The following PLEKHA5 variants were observed in gnomAD, a reference collection of about 807,000 sequenced individuals.
PLEKHA5 encodes pleckstrin homology domain containing A5.
PLEKHA5 carries 55 observed loss-of-function variants against 181.9 expected under a neutral mutation model. The observed-to-expected ratio is 0.30, with a 90% CI of 0.24 to 0.38. The LOEUF (loss-of-function observed/expected upper bound fraction) is 0.38, where lower values mean the gene tolerates loss of function less well. Ranked by LOEUF, PLEKHA5 falls within the 10% of genes least tolerant of loss-of-function variation. The probability of loss-of-function intolerance (pLI) is 1.00; values close to 1 mark genes in which losing one functional copy is unlikely to be tolerated. For missense variants in PLEKHA5, 1,432 were observed against 1,549.5 expected, an observed-to-expected ratio of 0.92 and a Z score of 1.27; for synonymous variants, 535 against 529.4, an observed-to-expected ratio of 1.01 and a Z score of -0.15.
intron 3 of PLEKHA5, among the ~76,000 whole-genome samples, chr12:19,181,684 G>A (rs966660345): frequency 3.9e-5 from 6 of 152,112 alleles, no homozygotes; most frequent in Non-Finnish European, 7.4e-5. Flanking sequence ...GCTGAGACTC[G>A]AGAAGTGCTT....
chr12:19,333,444 G>A (rs1178564263), intron 20 of PLEKHA5, among the ~76,000 whole-genome samples: 1 of 151,476 alleles, frequency 6.6e-6, no homozygotes, highest in African/African-American at 2.4e-5. Context: ...TCCAAGCGTG[G>A]TGGTGCGCAC....
chr12:19,155,863 C>T (rs927441354), intron 3 of PLEKHA5, among the ~76,000 whole-genome samples: 2 of 152,174 alleles, frequency 1.3e-5, no homozygotes, highest in African/African-American at 4.8e-5. Flanking sequence ...TAACTTATAT[C>T]ACTGACTCTG....
chr12:19,224,789 A>G (rs1242890815), intron 3 of PLEKHA5, among the ~76,000 whole-genome samples: 2 of 152,328 alleles, frequency 1.3e-5, no homozygotes, highest in South Asian at 2.1e-4. Flanking sequence ...CTTTAAATAT[A>G]TAGATACAGT....
At chr12:19,311,366 AGAG>A (rs1477335807) in intron 15 of PLEKHA5, among the ~76,000 whole-genome samples, 1 of 151,414 alleles carries the variant, frequency 6.6e-6, no homozygotes, top group Non-Finnish European at 1.5e-5. Flanking sequence ...TGAGCCCAGG[AGAG>A]GAGGTCAAGG....
chr12:19,347,791 T>C (rs1039104296), intron 24 of PLEKHA5, among the ~76,000 whole-genome samples: 5 of 152,112 alleles, frequency 3.3e-5, no homozygotes, highest in Non-Finnish European at 7.3e-5. Flanking sequence ...ACCTTGTGAA[T>C]GAAAATTTAT....
rs1592419936 is a variant in PLEKHA5 at position 19,307,080 on chromosome 12, A to ATAG, written c.2038-7732_2038-7730dup. 23 of 1,232,124 alleles carry ATAG rather than the reference A, an allele frequency of 1.9e-5. No homozygotes were observed. The East Asian group carries it at 5.1e-4, about 27-fold the overall frequency. 76.3% of individuals were successfully genotyped at this position (1,232,124 alleles called of 1,614,324 possible). A position where few individuals can be genotyped will look rare whatever the true frequency, so the allele number is the denominator to read the frequency against. On this transcript the variant is annotated intron_variant, in intron 15 of 31. Coordinates refer to ENST00000429027, the MANE Select transcript of PLEKHA5 (RefSeq NM_001256470.2). Reference sequence around the variant, plus strand: ...ACTTGAACTCAATCTGTTGCCACAGATAGTTGCTGAAGCTTATGAGCACTG... The same window carrying ATAG: ...ACTTGAACTCAATCTGTTGCCACAGATAGTAGTTGCTGAAGCTTATGAGCACTG...
chr12:19,173,462 A>T (rs2046466047), intron 3 of PLEKHA5, among the ~76,000 whole-genome samples: 1 of 4,254 alleles, frequency 2.4e-4, no homozygotes, highest in Admixed American at 6.1e-3. Context: ...GGATTCTCCA[A>T]AAAAAAAAAT....
intron 3 of PLEKHA5, among the ~76,000 whole-genome samples, chr12:19,240,025 T>C (rs1485598316): frequency 6.6e-6 from 1 of 152,252 alleles, no homozygotes; most frequent in African/African-American, 2.4e-5. Context: ...CAAACGTTTT[T>C]TACAAAATCT....
chr12:19,138,876 C>T (rs1442784004), intron 3 of PLEKHA5, among the ~76,000 whole-genome samples: 1 of 152,136 alleles, frequency 6.6e-6, no homozygotes, highest in African/African-American at 2.4e-5. Context: ...TGGAACCATA[C>T]TGTGTCCGGT....
intron 3 of PLEKHA5, among the ~76,000 whole-genome samples, chr12:19,242,627 A>G (rs1005744643): frequency 2.6e-5 from 4 of 152,184 alleles, no homozygotes; most frequent in Non-Finnish European, 5.9e-5. Flanking sequence ...TGAAAAACCA[A>G]ATCCTAAAAC....
chr12:19,261,380 T>TC lies in PLEKHA5; in HGVS notation c.610+363dup, dbSNP rs2068437367. 3.3e-5 allele frequency among the ~76,000 whole-genome samples: 5 copies of TC among 152,268 alleles called. No homozygotes were observed. The South Asian group carries it at 1.0e-3, about 32-fold the overall frequency. On this transcript the variant is annotated intron_variant, in intron 7 of 31. Coordinates refer to ENST00000429027, the MANE Select transcript of PLEKHA5 (RefSeq NM_001256470.2). ...GGGTCCTTCAAGCACCCAATTCTGCTCCCCAGCAAATGATATTAGAATATT... is the reference window on the plus strand; with the variant it reads ...GGGTCCTTCAAGCACCCAATTCTGCTCCCCCAGCAAATGATATTAGAATATT...
intron 11 of PLEKHA5, among the ~76,000 whole-genome samples, 183 bp downstream of exon 11, chr12:19,275,166 G>A (rs1178567912): frequency 1.3e-5 from 2 of 152,130 alleles, no homozygotes; most frequent in Non-Finnish European, 2.9e-5. Context: ...CTTATGTTCT[G>A]TCACCCAACT....
intron 3 of PLEKHA5, chr12:19,243,561 A>T (rs1190516620): frequency 6.6e-6 from 1 of 152,156 alleles, no homozygotes; most frequent in Non-Finnish European, 1.5e-5. Context: ...TTCTCCCAAG[A>T]AATTGGAAAT....
At chr12:19,220,194 T>C (rs1170764066) in intron 3 of PLEKHA5, among the ~76,000 whole-genome samples, 1 of 151,360 alleles carries the variant, frequency 6.6e-6, no homozygotes, top group African/African-American at 2.4e-5. Context: ...CAATTGCTTT[T>C]TTCTCTTTTC....
intron 21 of PLEKHA5, among the ~76,000 whole-genome samples, chr12:19,337,112 C>T (rs958804978): frequency 4.6e-5 from 7 of 151,100 alleles, no homozygotes; most frequent in African/African-American, 1.7e-4. Flanking sequence ...CTCAGCCTCC[C>T]GAGTAGCTGG....
At chr12:19,246,739 T>G (rs1011767938) in intron 3 of PLEKHA5, among the ~76,000 whole-genome samples, 2 of 152,108 alleles carry the variant, frequency 1.3e-5, no homozygotes, top group Admixed American at 1.3e-4. Flanking sequence ...AAAAAAAGAT[T>G]TTTGCATTCA....
At chr12:19,172,189 C>G (rs1453318550) in intron 3 of PLEKHA5, among the ~76,000 whole-genome samples, 1 of 152,116 alleles carries the variant, frequency 6.6e-6, no homozygotes, top group Non-Finnish European at 1.5e-5. Flanking sequence ...ATTGGCAGCA[C>G]AGGAGGTTTG....
Position 19,336,522 on chromosome 12 carries a change from A to T in PLEKHA5, c.2456A>T (p.Glu819Val). The change falls in exon 21 of 32, where the codon GAA (glutamate) becomes GTA (valine). Residue 819 changes from glutamate (E) to valine (V), a missense_variant. Physicochemically the swap from Glu to Val is moderately radical, Grantham distance 121 (BLOSUM62 -2). Coordinates refer to ENST00000429027, the MANE Select transcript of PLEKHA5 (RefSeq NM_001256470.2). ...RELSRATAEL[E>V]RAWREYDKLE... ...AACACTTTTTGGTTTTAGGAATTGG[A>T]ACGAGCATGGAGAGAATATGATAAG... 1 of 1,589,542 alleles carries T rather than the reference A, an allele frequency of 6.3e-7. No homozygotes were observed. Among genetic ancestry groups the T allele is most frequent in the Non-Finnish European group, 8.6e-7 (1 of 1,161,452 alleles).
Position 19,296,988 on chromosome 12 carries a change from G to T in PLEKHA5, c.2037+5291G>T, listed in dbSNP as rs186974171. 1.6e-3 allele frequency among the ~76,000 whole-genome samples: 245 copies of T among 152,242 alleles called. 4 individuals are homozygous for T. The highest frequency in any genetic ancestry group is 0.016 in the Admixed American group (241 of 15,292). ...AGAGCAGTTGTGAGGGAACTTAAAT[G>T]ATATTCCCCTTTTCCTTTTCCCTAA... On this transcript the variant is annotated intron_variant, in intron 15 of 31. Coordinates refer to ENST00000429027, the MANE Select transcript of PLEKHA5 (RefSeq NM_001256470.2).
Sources: gnomAD v4.1 joint callset for allele counts (sites outside exome capture counted in the v4.1 genomes callset) on GRCh38, gnomAD v4.1.1 for gene constraint, MANE v1.5 for transcripts, NCBI Gene and HGNC (gene_info 2026-07-23, HGNC 2026-07-21) for gene names.